CCDC73: variants seen among roughly 807,000 people sequenced by gnomAD.
CCDC73 encodes the protein coiled-coil domain containing 73.
In CCDC73, 95 loss-of-function variants were observed where a neutral mutation model predicts 116.5. That is an observed-to-expected ratio of 0.82 (90% CI 0.69 to 0.97). CCDC73 has a LOEUF of 0.97. Among genes scored for constraint, CCDC73 ranks in the 50% least tolerant of loss-of-function variants. CCDC73 has a pLI of 0.00. For missense variants in CCDC73, 1,066 were observed against 1,206.8 expected (o/e 0.88, Z 1.73); for synonymous variants, 398 against 401.3 (o/e 0.99, Z 0.10).
At chr11:32,629,009 C>A (rs1434004657) in intron 14 of CCDC73, among the ~76,000 whole-genome samples, 1 of 151,608 alleles carries the variant, frequency 6.6e-6, no homozygotes, top group Non-Finnish European at 1.5e-5. Context: ...ATGAAATTTA[C>A]AGTAAATAAA....
intron 1 of CCDC73, among the ~76,000 whole-genome samples, chr11:32,793,117 G>T (rs1446357054): frequency 6.6e-6 from 1 of 152,188 alleles, no homozygotes; most frequent in African/African-American, 2.4e-5. Flanking sequence ...CTGACACTAC[G>T]ATATGAAGCC....
At chr11:32,807,272 G>C in the CCDC73 span, among the ~76,000 whole-genome samples, 1 of 152,168 alleles carries the variant, frequency 6.6e-6, no homozygotes, top group Non-Finnish European at 1.5e-5. Flanking sequence ...TACTCGTATA[G>C]CTTCCAGTGG....
chr11:32,762,732 G>A (rs1354703669), intron 1 of CCDC73, among the ~76,000 whole-genome samples: 1 of 152,152 alleles, frequency 6.6e-6, no homozygotes, highest in Non-Finnish European at 1.5e-5. Flanking sequence ...GAGGTACTGG[G>A]TTCATCTCAC....
chr11:32,764,224 C>G (rs1850419770), intron 1 of CCDC73, among the ~76,000 whole-genome samples: 1 of 152,124 alleles, frequency 6.6e-6, no homozygotes, highest in East Asian at 1.9e-4. Flanking sequence ...CCCAACCTAC[C>G]AAGGCAGGCC....
intron 17 of CCDC73, chr11:32,606,047 T>G (rs1355643782): frequency 6.6e-6 from 1 of 152,160 alleles, no homozygotes. Flanking sequence ...CTTTGCTTAC[T>G]CTGGTTTTCC....
At chr11:32,767,784 T>A (rs953164883) in intron 1 of CCDC73, among the ~76,000 whole-genome samples, 2 of 152,078 alleles carry the variant, frequency 1.3e-5, no homozygotes, top group Non-Finnish European at 2.9e-5. Flanking sequence ...ACCATCTCAC[T>A]CCAGTTAGAA....
At chr11:32,699,152 T>A in intron 6 of CCDC73, 99 bp downstream of exon 6, 1 of 1,279,908 alleles carries the variant, frequency 7.8e-7, no homozygotes, top group Non-Finnish European at 1.0e-6. Context: ...ATATAAACTT[T>A]TGTCAGCTTT....
intron 2 of CCDC73, among the ~76,000 whole-genome samples, chr11:32,744,417 C>T (rs1372431838): frequency 6.6e-6 from 1 of 151,908 alleles, no homozygotes; most frequent in African/African-American, 2.4e-5. Flanking sequence ...ATGATGCTGG[C>T]CTCATAAAAT....
chr11:32,627,855 G>T (rs1357791925), intron 14 of CCDC73, among the ~76,000 whole-genome samples: 1 of 152,096 alleles, frequency 6.6e-6, no homozygotes, highest in Non-Finnish European at 1.5e-5. Flanking sequence ...AGCATTAGGA[G>T]ATATACCTAA....
chr11:32,624,189 A>T lies in CCDC73; in HGVS notation c.1186-8060T>A, dbSNP rs914837502. 3.3e-5 allele frequency among the ~76,000 whole-genome samples: 5 copies of T among 151,260 alleles called. No homozygotes were observed. In the East Asian group the frequency reaches 7.7e-4, roughly 23 times the overall value. Reference sequence around the variant, plus strand: ...TCTACTAAAATACAAAAAAAAAAAAAATTAACCAGGTGTGGTGGCACATGC... The same window carrying T: ...TCTACTAAAATACAAAAAAAAAAAATATTAACCAGGTGTGGTGGCACATGC... On this transcript the variant is annotated intron_variant, in intron 14 of 17. Transcript: ENST00000335185.
intron 2 of CCDC73, among the ~76,000 whole-genome samples, chr11:32,746,086 G>C (rs1850236216): frequency 6.6e-6 from 1 of 152,148 alleles, no homozygotes; most frequent in Non-Finnish European, 1.5e-5. Flanking sequence ...TCTATGTTTA[G>C]TGCTTCCTTC....
At chr11:32,684,695 C>A (rs145849798) in intron 6 of CCDC73, among the ~76,000 whole-genome samples, 1 of 152,080 alleles carries the variant, frequency 6.6e-6, no homozygotes, top group African/African-American at 2.4e-5. Context: ...TTTTTATAGG[C>A]TTTTTTAAAC....
upstream of CCDC73, among the ~76,000 whole-genome samples, chr11:32,798,724 C>CT (rs1565104419): frequency 6.6e-6 from 1 of 152,194 alleles, no homozygotes; most frequent in East Asian, 1.9e-4. Context: ...GCATCTAACT[C>CT]CAAGCACAGG....
intron 12 of CCDC73, among the ~76,000 whole-genome samples, chr11:32,642,376 C>T (rs1855741227): frequency 6.6e-6 from 1 of 151,984 alleles, no homozygotes; most frequent in African/African-American, 2.4e-5. Flanking sequence ...ATATAAAGTA[C>T]AGCACTGAAA....
intron 2 of CCDC73, among the ~76,000 whole-genome samples, chr11:32,729,478 C>T (rs892766912): frequency 2.6e-5 from 4 of 152,130 alleles, no homozygotes; most frequent in Non-Finnish European, 5.9e-5. Flanking sequence ...CTGCAATGAA[C>T]ATACGTGTGC....
At chr11:32,723,912 A>G (rs889253529) in intron 2 of CCDC73, among the ~76,000 whole-genome samples, 18 of 152,094 alleles carry the variant, frequency 1.2e-4, no homozygotes, top group African/African-American at 4.3e-4. Context: ...TTAAAGACAG[A>G]TGGAAGAAAA....
intron 9 of CCDC73, among the ~76,000 whole-genome samples, chr11:32,662,086 GTTGGACAT>G (rs1466494611): frequency 2.6e-5 from 4 of 152,194 alleles, no homozygotes; most frequent in Non-Finnish European, 4.4e-5. Flanking sequence ...GTCTATCGTG[GTTGGACAT>G]TTGGGTTGGT....
intron 12 of CCDC73, among the ~76,000 whole-genome samples, chr11:32,644,042 T>G (rs1393322787): frequency 6.6e-6 from 1 of 152,096 alleles, no homozygotes; most frequent in African/African-American, 2.4e-5. Context: ...CTGAGACACA[T>G]CATCACAGCA....
At position 32,614,513 on chromosome 11, in the gene CCDC73, T is replaced by A. The variant is rs780868326; in HGVS notation, c.1805A>T (p.Lys602Ile). The A allele has an allele frequency of 5.0e-6, 8 of 1,613,322 alleles. No individual in the cohort carries two copies. The highest frequency in any genetic ancestry group is 6.8e-6 in the Non-Finnish European group (8 of 1,179,614). The change falls in exon 16 of 18, where the codon AAA becomes ATA. Residue 602 changes from lysine to isoleucine, a missense_variant. Physicochemically the swap from Lys to Ile is moderately radical, Grantham distance 102. Coordinates refer to ENST00000335185, the MANE Select transcript of CCDC73 (RefSeq NM_001008391.4). ...NKDVSENEPF[K>I]QFRLLPGTRE... ...AGTCCCTGGAAGCAATCTGAATTGT[T>A]TGAATGGCTCATTTTCAGAAACATC... is the stretch of plus-strand genomic sequence containing the variant.
Sources: gnomAD v4.1 joint callset for allele counts (sites outside exome capture counted in the v4.1 genomes callset) on GRCh38, gnomAD v4.1.1 for gene constraint, MANE v1.5 for transcripts, NCBI Gene and HGNC (gene_info 2026-07-23, HGNC 2026-07-21) for gene names.